Variants in TENM4 observed in about 807,000 individuals in gnomAD.
TENM4 encodes the protein teneurin transmembrane protein 4.
Under a neutral mutation model 243.3 loss-of-function variants are expected in TENM4, and 82 were observed. The ratio of observed to expected loss-of-function variants is 0.34; its 90% CI spans 0.28 to 0.40. The LOEUF (loss-of-function observed/expected upper bound fraction) is 0.40, where lower values mean the gene tolerates loss of function less well. TENM4 is among the 10% of genes least tolerant of loss of function. TENM4 has a pLI of 1.00. For missense variants in TENM4, 3,138 were observed against 3,673.3 expected (o/e 0.85, Z 3.77); for synonymous variants, 1,412 against 1,456.3 (o/e 0.97, Z 0.69).
At chr11:79,233,436 T>C (rs562754827) in intron 2 of TENM4, among the ~76,000 whole-genome samples, 1 of 152,170 alleles carries the variant, frequency 6.6e-6, no homozygotes, top group South Asian at 2.1e-4. Flanking sequence ...GTCTAGATTG[T>C]GGAAGAGGCA....
intron 2 of TENM4, among the ~76,000 whole-genome samples, chr11:79,223,085 C>T (rs565765798): frequency 3.9e-5 from 6 of 152,074 alleles, no homozygotes; most frequent in Admixed American, 3.9e-4. Context: ...CCATGGCACA[C>T]GTCTACCTGT....
At chr11:79,276,429 A>G (rs1248377661) in intron 2 of TENM4, among the ~76,000 whole-genome samples, 1 of 152,208 alleles carries the variant, frequency 6.6e-6, no homozygotes, top group Non-Finnish European at 1.5e-5. Context: ...ACAGAGGGGG[A>G]CACTGGAGCC....
chr11:79,420,416 C>T (rs1453227165), intron 1 of TENM4, among the ~76,000 whole-genome samples: 6 of 152,150 alleles, frequency 3.9e-5, no homozygotes, highest in Non-Finnish European at 8.8e-5. Context: ...TAATCAGAAC[C>T]CTACAGATTC....
At chr11:79,117,249 C>T (rs1162634813) in intron 4 of TENM4, among the ~76,000 whole-genome samples, 2 of 152,178 alleles carry the variant, frequency 1.3e-5, no homozygotes, top group East Asian at 1.9e-4. Flanking sequence ...GCTCTCTTTA[C>T]GTCAGAGACA....
intron 4 of TENM4, among the ~76,000 whole-genome samples, chr11:79,088,032 C>A (rs1244433958): frequency 2.6e-5 from 4 of 152,262 alleles, no homozygotes; most frequent in Non-Finnish European, 5.9e-5. Flanking sequence ...TCACTGGAGT[C>A]TGGCTTCCCA....
Position 78,834,250 on chromosome 11 carries a change from T to C in TENM4, c.1681+19854A>G, listed in dbSNP as rs569682800. On this transcript the variant is annotated intron_variant, in intron 12 of 33. Transcript: ENST00000278550. Reference sequence around the variant, plus strand: ...TGATCTATACCCCTTTGTGTATATGTTCTTGTTTTACATTGACAGTAATAT... The same window carrying C: ...TGATCTATACCCCTTTGTGTATATGCTCTTGTTTTACATTGACAGTAATAT... 2.2e-3 allele frequency among the ~76,000 whole-genome samples: 329 copies of C among 152,346 alleles called. 1 individual carries two copies. The highest frequency in any genetic ancestry group is 3.4e-3 in the Non-Finnish European group (230 of 68,032).
chr11:78,868,377 A>C (rs7112586), intron 9 of TENM4, among the ~76,000 whole-genome samples: 19,479 of 152,152 alleles, frequency 0.13, 1,648 homozygotes, highest in African/African-American at 0.25. Flanking sequence ...AAAAGATGCT[A>C]AGGAGTTCAG....
chr11:79,049,014 C>T (rs1054737671), intron 6 of TENM4, among the ~76,000 whole-genome samples: 2 of 152,172 alleles, frequency 1.3e-5, no homozygotes, highest in African/African-American at 4.8e-5. Flanking sequence ...CAGAAGAGTC[C>T]TCAGCACTGA....
intron 1 of TENM4, among the ~76,000 whole-genome samples, chr11:79,345,813 A>T (rs529669382): frequency 6.6e-6 from 1 of 152,306 alleles, no homozygotes; most frequent in East Asian, 1.9e-4. Context: ...ACATCTGAGG[A>T]CCCAGCACAC....
chr11:78,782,742 C>T (rs7113446), intron 16 of TENM4, among the ~76,000 whole-genome samples: 127 of 150,158 alleles, frequency 8.5e-4, no homozygotes, highest in Middle Eastern at 3.4e-3. Flanking sequence ...CTCCAGCATG[C>T]GCAACAGAGT....
intron 4 of TENM4, among the ~76,000 whole-genome samples, chr11:79,127,443 G>A (rs1004666617): frequency 1.5e-5 from 2 of 136,238 alleles, no homozygotes; most frequent in African/African-American, 2.5e-5. Flanking sequence ...ACCAGATGTG[G>A]TTTTGTTGCT....
chr11:79,271,625 C>T (rs531601), intron 2 of TENM4, among the ~76,000 whole-genome samples: 110,198 of 152,128 alleles, frequency 0.72, 40,559 homozygotes, highest in African/African-American at 0.85. Flanking sequence ...TGTTTAATGG[C>T]GGGGCTGGGT....
chr11:79,413,341 G>A (rs1858741869), intron 1 of TENM4, among the ~76,000 whole-genome samples: 1 of 152,038 alleles, frequency 6.6e-6, no homozygotes, highest in Non-Finnish European at 1.5e-5. Context: ...CTAAGAAGCT[G>A]GCTGTGGACT....
chr11:78,938,468 C>G (rs1020260899), intron 6 of TENM4, among the ~76,000 whole-genome samples: 28 of 152,102 alleles, frequency 1.8e-4, no homozygotes, highest in African/African-American at 6.8e-4. Context: ...GCACCTGGCA[C>G]TAAGTACAGA....
intron 15 of TENM4, among the ~76,000 whole-genome samples, chr11:78,802,247 G>A (rs1276449433): frequency 6.6e-6 from 1 of 152,232 alleles, no homozygotes; most frequent in Non-Finnish European, 1.5e-5. Flanking sequence ...GACATTAAGT[G>A]CTTACTGTAT....
At chr11:79,314,544 G>T (rs562021523) in intron 1 of TENM4, among the ~76,000 whole-genome samples, 91 of 152,322 alleles carry the variant, frequency 6.0e-4, no homozygotes, top group African/African-American at 2.1e-3. Context: ...CTACCTCACA[G>T]TTCTGTTGTG....
At chr11:79,138,565 AAAAC>A (rs1565219512) in intron 4 of TENM4, among the ~76,000 whole-genome samples, 1,710 of 29,196 alleles carry the variant, frequency 0.059, 98 homozygotes, top group Non-Finnish European at 0.07. Flanking sequence ...ATAAATACAT[AAAAC>A]ATATATTTAT....
At chr11:79,362,796 G>T (rs1651450135) in intron 1 of TENM4, among the ~76,000 whole-genome samples, 1 of 152,242 alleles carries the variant, frequency 6.6e-6, no homozygotes, top group Admixed American at 6.5e-5. Context: ...AGTCTACCAT[G>T]GGAGTGTTGG....
intron 25 of TENM4, among the ~76,000 whole-genome samples, chr11:78,715,832 G>A (rs1466541076): frequency 1.3e-5 from 2 of 152,076 alleles, no homozygotes; most frequent in Non-Finnish European, 2.9e-5. Flanking sequence ...AGCTCATTTC[G>A]TCCTCCTGCC....
Sources: allele counts gnomAD v4.1 joint callset (sites outside exome capture counted in the v4.1 genomes callset), GRCh38; gene constraint gnomAD v4.1.1; transcripts MANE v1.5; gene names NCBI Gene and HGNC (gene_info 2026-07-23, HGNC 2026-07-21).